Variants in CAP2 observed in about 807,000 individuals in gnomAD.
CAP2 encodes cyclase associated actin cytoskeleton regulatory protein 2.
In CAP2, 24 loss-of-function variants were observed where a neutral mutation model predicts 57.7. The ratio of observed to expected loss-of-function variants is 0.42; its 90% confidence interval spans 0.30 to 0.58. CAP2 has a LOEUF of 0.58. Ranked by LOEUF, CAP2 falls within the 20% of genes least tolerant of loss-of-function variation. The probability of loss-of-function intolerance (pLI) is 0.22; values close to 1 mark genes in which losing one functional copy is unlikely to be tolerated. For missense variants in CAP2, 501 were observed against 590.3 expected (o/e 0.85, Z 1.57); for synonymous variants, 194 against 207.2 (o/e 0.94, Z 0.55).
intron 12 of CAP2, among the ~76,000 whole-genome samples, chr6:17,554,292 A>G (rs1400359545): frequency 6.6e-6 from 1 of 152,168 alleles, no homozygotes; most frequent in Non-Finnish European, 1.5e-5. Context: ...TGTTTTGTAG[A>G]AACAGTGTCC....
intron 3 of CAP2, among the ~76,000 whole-genome samples, 198 bp downstream of exon 3, chr6:17,426,888 G>A (rs1163200068): frequency 6.6e-6 from 1 of 152,166 alleles, no homozygotes; most frequent in Non-Finnish European, 1.5e-5. Flanking sequence ...GTATTGTCCA[G>A]CACTGCTCTG....
intron 8 of CAP2, among the ~76,000 whole-genome samples, chr6:17,540,647 G>C (rs900429268): frequency 2.0e-5 from 3 of 152,050 alleles, no homozygotes; most frequent in African/African-American, 7.3e-5. Flanking sequence ...CCAGCTACTT[G>C]GGAGGCTGAG....
At chr6:17,458,747 T>C (rs924629023) in intron 3 of CAP2, among the ~76,000 whole-genome samples, 14 of 152,098 alleles carry the variant, frequency 9.2e-5, no homozygotes, top group Admixed American at 2.6e-4. Context: ...ACATCCAAGA[T>C]TGCAGAGAGA....
chr6:17,548,230 T>C (rs1057367067), intron 11 of CAP2, among the ~76,000 whole-genome samples: 1 of 151,378 alleles, frequency 6.6e-6, no homozygotes, highest in African/African-American at 2.4e-5. Flanking sequence ...TAGCTCGTCA[T>C]GGTGCAGGCG....
intron 4 of CAP2, among the ~76,000 whole-genome samples, chr6:17,470,745 T>A (rs772038031): frequency 6.6e-6 from 1 of 152,190 alleles, no homozygotes; most frequent in Admixed American, 6.5e-5. Flanking sequence ...GTAACAGATT[T>A]GGTGAGCATT....
At chr6:17,463,148 A>T in intron 4 of CAP2, 75 bp downstream of exon 4, 1 of 1,031,176 alleles carries the variant, frequency 9.7e-7, no homozygotes, top group Non-Finnish European at 1.5e-6. Flanking sequence ...AGGCAACAGA[A>T]GCATTTATTA....
At chr6:17,535,949 G>A (rs751022071) in intron 7 of CAP2, among the ~76,000 whole-genome samples, 1 of 152,158 alleles carries the variant, frequency 6.6e-6, no homozygotes, top group African/African-American at 2.4e-5. Flanking sequence ...CTCCCAAAGT[G>A]CTGGGATTAC....
intron 3 of CAP2, among the ~76,000 whole-genome samples, chr6:17,451,546 G>C (rs1219056954): frequency 6.6e-6 from 1 of 151,268 alleles, no homozygotes; most frequent in Non-Finnish European, 1.5e-5. Context: ...GTCTCGCTCT[G>C]TCACCCAGGC....
At chr6:17,521,775 G>A (rs1762398685) in intron 7 of CAP2, among the ~76,000 whole-genome samples, 1 of 152,158 alleles carries the variant, frequency 6.6e-6, no homozygotes. Flanking sequence ...AGTGCAGCAT[G>A]GTTCTGGGGC....
chr6:17,419,491 G>T (rs1334788351), intron 1 of CAP2, among the ~76,000 whole-genome samples: 1 of 152,174 alleles, frequency 6.6e-6, no homozygotes, highest in Non-Finnish European at 1.5e-5. Context: ...CCGGGGTTAA[G>T]GTGGCTATAA....
intron 2 of CAP2, among the ~76,000 whole-genome samples, chr6:17,425,480 T>G (rs1270437420): frequency 6.6e-6 from 1 of 152,072 alleles, no homozygotes; most frequent in African/African-American, 2.4e-5. Flanking sequence ...TTGCCCAGAG[T>G]TCATTATTAC....
intron 4 of CAP2, among the ~76,000 whole-genome samples, chr6:17,503,715 C>T (rs1761897502): frequency 6.6e-6 from 1 of 151,768 alleles, no homozygotes. Flanking sequence ...AATATGGTTG[C>T]ATTCCCACCA....
chr6:17,501,460 T>C (rs1290209940), intron 4 of CAP2, among the ~76,000 whole-genome samples: 1 of 152,164 alleles, frequency 6.6e-6, no homozygotes, highest in African/African-American at 2.4e-5. Flanking sequence ...ATTTTTATAA[T>C]CAGAAAAAGA....
At chr6:17,437,311 A>G (rs1043369124) in intron 3 of CAP2, among the ~76,000 whole-genome samples, 1 of 152,006 alleles carries the variant, frequency 6.6e-6, no homozygotes, top group Non-Finnish European at 1.5e-5. Context: ...CAGGGTAGAG[A>G]GTGGGTCTAG....
At chr6:17,514,383 G>T (rs779769095) in intron 7 of CAP2, among the ~76,000 whole-genome samples, 1 of 151,158 alleles carries the variant, frequency 6.6e-6, no homozygotes, top group Non-Finnish European at 1.5e-5. Flanking sequence ...ATGTAGAAAC[G>T]GTTTATGGAA....
At chr6:17,511,377 A>G (rs1762143628) in intron 6 of CAP2, among the ~76,000 whole-genome samples, 1 of 152,198 alleles carries the variant, frequency 6.6e-6, no homozygotes, top group Non-Finnish European at 1.5e-5. Context: ...AGGTTTAAAC[A>G]GGACTGTGAG....
intron 11 of CAP2, among the ~76,000 whole-genome samples, chr6:17,544,106 CAGAG>C (rs1762978597): frequency 8.6e-6 from 1 of 116,640 alleles, no homozygotes; most frequent in Admixed American, 1.3e-4. Context: ...GCCTGGGCAA[CAGAG>C]AGAGACTCTG....
At chr6:17,449,699 A>G (rs1030132399) in intron 3 of CAP2, among the ~76,000 whole-genome samples, 1 of 152,156 alleles carries the variant, frequency 6.6e-6, no homozygotes, top group Non-Finnish European at 1.5e-5. Context: ...ATGAGCCACC[A>G]TGCCCGGCCA....
intron 3 of CAP2, among the ~76,000 whole-genome samples, chr6:17,454,397 T>G (rs2113583491): frequency 6.6e-6 from 1 of 152,330 alleles, no homozygotes; most frequent in African/African-American, 2.4e-5. Flanking sequence ...TTGAAGTGAT[T>G]ATAAAAACAT....
Sources: allele counts gnomAD v4.1 joint callset (sites outside exome capture counted in the v4.1 genomes callset), GRCh38; gene constraint gnomAD v4.1.1; transcripts MANE v1.5; gene names NCBI Gene and HGNC (gene_info 2026-07-23, HGNC 2026-07-21).